CCDC102B: variants seen among roughly 807,000 people sequenced by gnomAD.
CCDC102B encodes coiled-coil domain containing 102B.
Under a neutral mutation model 57.4 loss-of-function variants are expected in CCDC102B, and 75 were observed. The observed-to-expected ratio is 1.31, with a 90% CI of 1.08 to 1.58. CCDC102B has a LOEUF of 1.58. Among genes scored for constraint, CCDC102B ranks in the 40% most tolerant of loss-of-function variants. CCDC102B has a pLI of 0.00. For missense variants in CCDC102B, 636 were observed against 582.6 expected (o/e 1.09, Z -0.94); for synonymous variants, 206 against 201.9 (o/e 1.02, Z -0.17).
At chr18:68,871,446 A>T (rs573020893) in intron 4 of CCDC102B, among the ~76,000 whole-genome samples, 140 of 152,278 alleles carry the variant, frequency 9.2e-4, no homozygotes, top group African/African-American at 3.3e-3. Flanking sequence ...ATTAATCTAA[A>T]TCTAAAGTTG....
intron 1 of CCDC102B, among the ~76,000 whole-genome samples, chr18:68,814,534 T>C (rs1599502213): frequency 6.6e-6 from 1 of 152,268 alleles, no homozygotes; most frequent in South Asian, 2.1e-4. Context: ...AACTAAAATC[T>C]ATCATGTATA....
chr18:68,817,212 C>G (rs759488787), intron 1 of CCDC102B, among the ~76,000 whole-genome samples: 1 of 152,152 alleles, frequency 6.6e-6, no homozygotes. Flanking sequence ...GTTAATAGTA[C>G]GTGTTATCTG....
intron 7 of CCDC102B, among the ~76,000 whole-genome samples, chr18:69,041,252 T>C (rs935847406): frequency 6.6e-6 from 1 of 152,264 alleles, no homozygotes; most frequent in African/African-American, 2.4e-5. Context: ...TTAGTTACAT[T>C]GAGCTTACTC....
At chr18:68,815,881 G>A (rs1644184998) in intron 1 of CCDC102B, among the ~76,000 whole-genome samples, 1 of 152,116 alleles carries the variant, frequency 6.6e-6, no homozygotes, top group African/African-American at 2.4e-5. Flanking sequence ...CATTTGGAGA[G>A]CAAACAAGGA....
chr18:68,876,897 C>G (rs2039470807), intron 5 of CCDC102B, among the ~76,000 whole-genome samples: 1 of 152,042 alleles, frequency 6.6e-6, no homozygotes, highest in Non-Finnish European at 1.5e-5. Context: ...TTAAATACTC[C>G]ATTTTTTCAA....
At chr18:68,966,402 T>C (rs1488896218) in intron 6 of CCDC102B, among the ~76,000 whole-genome samples, 3 of 152,110 alleles carry the variant, frequency 2.0e-5, no homozygotes. Context: ...TAAATACATA[T>C]ACGACAAGAG....
chr18:69,049,005 G>A (rs2052633291), intron 7 of CCDC102B, among the ~76,000 whole-genome samples: 1 of 150,850 alleles, frequency 6.6e-6, no homozygotes, highest in South Asian at 2.1e-4. Context: ...TGAAATTCCT[G>A]TATGTTACCA....
At chr18:68,938,779 G>A (rs2049307983) in intron 6 of CCDC102B, among the ~76,000 whole-genome samples, 1 of 151,300 alleles carries the variant, frequency 6.6e-6, no homozygotes, top group Admixed American at 6.6e-5. Flanking sequence ...CATCATATCA[G>A]CAGATATTTT....
Position 68,845,815 on chromosome 18 carries a change from A to T in CCDC102B, c.828-498A>T, listed in dbSNP as rs145762106. Reference sequence around the variant, plus strand: ...GATCCCAGTGAAATTTCTTTATTACAATCAAATTTGAAATATTTAAAATTA... The same window carrying T: ...GATCCCAGTGAAATTTCTTTATTACTATCAAATTTGAAATATTTAAAATTA... On this transcript the variant is annotated intron_variant, in intron 3 of 7. Coordinates refer to ENST00000360242, the MANE Select transcript of CCDC102B (RefSeq NM_024781.3). 2.4e-4 allele frequency among the ~76,000 whole-genome samples: 36 copies of T among 151,970 alleles called. 2 individuals are homozygous for T. The East Asian group carries it at 6.2e-3, about 26-fold the overall frequency.
chr18:68,830,646 C>T (rs2037107360), intron 1 of CCDC102B, among the ~76,000 whole-genome samples: 1 of 144,336 alleles, frequency 6.9e-6, no homozygotes, highest in Admixed American at 6.8e-5. Context: ...ATGTTTATTC[C>T]ATATATATTC....
chr18:69,052,140 T>C (rs1257612684), intron 7 of CCDC102B, among the ~76,000 whole-genome samples: 34 of 151,338 alleles, frequency 2.2e-4, no homozygotes, highest in Admixed American at 2.2e-3. Flanking sequence ...CATGAATATA[T>C]ACAGAAAAAA....
Position 68,911,751 on chromosome 18 carries a change from CAAA to C in CCDC102B, c.1263+14345_1263+14347del, listed in dbSNP as rs74175338. ...TGGGCGACAGAGCGAGACTCCGTCT[CAAA>C]AAAAAAAAAAAAAAAAAAAAAGATC... On this transcript the variant is annotated intron_variant, in intron 6 of 7. Coordinates refer to ENST00000360242, the MANE Select transcript of CCDC102B (RefSeq NM_024781.3). 4.6e-3 allele frequency among the ~76,000 whole-genome samples: 83 copies of C among 18,000 alleles called. 1 individual carries two copies. Among genetic ancestry groups the C allele is most frequent in the Non-Finnish European group, 4.5e-3 (38 of 8,502 alleles). 11.8% of individuals were successfully genotyped at this position (18,000 alleles called of 152,430 possible). A position where few individuals can be genotyped will look rare whatever the true frequency, so the allele number is the denominator to read the frequency against.
intron 6 of CCDC102B, among the ~76,000 whole-genome samples, chr18:68,995,961 A>G (rs1235844808): frequency 1.3e-5 from 2 of 152,170 alleles, no homozygotes; most frequent in African/African-American, 4.8e-5. Flanking sequence ...GTGGGAGCTC[A>G]CTCCTTGCAT....
At chr18:68,884,023 T>C (rs117029794) in intron 5 of CCDC102B, among the ~76,000 whole-genome samples, 1,621 of 152,138 alleles carry the variant, frequency 0.011, 38 homozygotes, top group East Asian at 0.081. Context: ...AAAACAATAG[T>C]GGTAGTCTGT....
intron 2 of CCDC102B, among the ~76,000 whole-genome samples, chr18:68,758,877 C>T (rs1599418624): frequency 6.7e-6 from 1 of 149,630 alleles, no homozygotes. Context: ...GCAAAACAAA[C>T]TTAACAAATA....
chr18:68,747,316 G>A (rs1268551857), intron 2 of CCDC102B, among the ~76,000 whole-genome samples: 1 of 151,786 alleles, frequency 6.6e-6, no homozygotes, highest in East Asian at 1.9e-4. Context: ...CACATATGAG[G>A]GAGAACACAG....
At chr18:68,969,022 T>C (rs1488023966) in intron 6 of CCDC102B, among the ~76,000 whole-genome samples, 1 of 152,204 alleles carries the variant, frequency 6.6e-6, no homozygotes, top group Non-Finnish European at 1.5e-5. Flanking sequence ...TTTTGTTTTT[T>C]TATTTTTGCA....
At chr18:68,737,944 T>A (rs1343573661) in intron 2 of CCDC102B, among the ~76,000 whole-genome samples, 2 of 152,134 alleles carry the variant, frequency 1.3e-5, no homozygotes, top group Non-Finnish European at 2.9e-5. Context: ...ATCCCTTGAA[T>A]GTGGATGGCA....
At chr18:68,863,311 C>A (rs1049725020) in intron 4 of CCDC102B, among the ~76,000 whole-genome samples, 1 of 151,696 alleles carries the variant, frequency 6.6e-6, no homozygotes, top group Admixed American at 6.6e-5. Context: ...TGCTATTTTA[C>A]TCTATCCTCT....
Sources: gnomAD v4.1 joint callset for allele counts (sites outside exome capture counted in the v4.1 genomes callset) on GRCh38, gnomAD v4.1.1 for gene constraint, MANE v1.5 for transcripts, NCBI Gene and HGNC (gene_info 2026-07-23, HGNC 2026-07-21) for gene names.